Variants in TCF4 observed in about 807,000 individuals in gnomAD.
The protein encoded by TCF4 is SL3-3 enhancer factor 2.
Under a neutral mutation model 82.1 loss-of-function variants are expected in TCF4, and 3 were observed. That is an observed-to-expected ratio of 0.04 (90% confidence interval 0.02 to 0.09). TCF4 has a LOEUF of 0.09. Among genes scored for constraint, TCF4 ranks in the 10% least tolerant of loss-of-function variants. The pLI is 1.00. For missense variants in TCF4, 518 were observed against 852.7 expected (o/e 0.61, Z 4.89); for synonymous variants, 276 against 309.6 (o/e 0.89, Z 1.14).
At chr18:55,606,293 G>A (rs978942454) in intron 2 of TCF4, among the ~76,000 whole-genome samples, 1 of 152,164 alleles carries the variant, frequency 6.6e-6, no homozygotes, top group African/African-American at 2.4e-5. Flanking sequence ...AAGTTACGGG[G>A]AACATCTTTA....
At chr18:55,416,098 A>T (rs971733543) in intron 5 of TCF4, among the ~76,000 whole-genome samples, 2 of 152,206 alleles carry the variant, frequency 1.3e-5, no homozygotes, top group African/African-American at 4.8e-5. Context: ...ACAGTAGGTT[A>T]TACCAGAAGA....
chr18:55,463,746 G>C (rs2095927215), intron 4 of TCF4, among the ~76,000 whole-genome samples: 1 of 152,050 alleles, frequency 6.6e-6, no homozygotes, highest in Non-Finnish European at 1.5e-5. Flanking sequence ...ATGTAATATG[G>C]ATCAATAACT....
intron 3 of TCF4, among the ~76,000 whole-genome samples, chr18:55,522,658 A>G (rs2096942349): frequency 6.6e-6 from 1 of 152,150 alleles, no homozygotes; most frequent in Non-Finnish European, 1.5e-5. Context: ...GTTCTCTTAC[A>G]ATAATACATG....
rs3138626 is a variant in TCF4, at chr18:55,494,157, G to GACACACACACAC, written c.146-30032_146-30021dup. Reference sequence around the variant, plus strand: ...ACAGCAATGTGATTGAAATATTATGGACACACACACACACACACACACACA... The same window carrying GACACACACACAC: ...ACAGCAATGTGATTGAAATATTATGGACACACACACACACACACACACACACACACACACACA... On this transcript the variant is annotated intron_variant, in intron 3 of 19. Transcript: ENST00000354452. Among the ~76,000 whole-genome samples the GACACACACACAC allele has an allele frequency of 9.2e-3, 1,352 of 147,716 alleles. 19 individuals carry two copies. Among genetic ancestry groups the GACACACACACAC allele is most frequent in the African/African-American group, 0.031 (1,261 of 40,246 alleles).
chr18:55,531,880 A>G (rs1169624651), intron 3 of TCF4, among the ~76,000 whole-genome samples: 1 of 152,232 alleles, frequency 6.6e-6, no homozygotes, highest in Non-Finnish European at 1.5e-5. Context: ...AATCAATACT[A>G]TACTCAAACA....
intron 6 of TCF4, among the ~76,000 whole-genome samples, chr18:55,355,127 G>T (rs2083179129): frequency 6.6e-6 from 1 of 152,090 alleles, no homozygotes; most frequent in South Asian, 2.1e-4. Context: ...GCTTTGTATG[G>T]TGAACTGACT....
chr18:55,484,687 T>A (rs2096490529), intron 3 of TCF4, among the ~76,000 whole-genome samples: 2 of 152,242 alleles, frequency 1.3e-5, no homozygotes. Context: ...AGCATATGAC[T>A]GTACCCCATG....
intron 15 of TCF4, among the ~76,000 whole-genome samples, chr18:55,241,078 C>T (rs531597245): frequency 3.0e-4 from 45 of 152,190 alleles, no homozygotes; most frequent in Non-Finnish European, 5.0e-4. Flanking sequence ...CTGACCTTGG[C>T]AGTGCTTGTC....
At chr18:55,425,630 T>A (rs1603459380) in intron 5 of TCF4, among the ~76,000 whole-genome samples, 1 of 152,280 alleles carries the variant, frequency 6.6e-6, no homozygotes, top group Non-Finnish European at 1.5e-5. Flanking sequence ...CACATTTGCA[T>A]TAATAAATTT....
chr18:55,577,182 A>AT lies in TCF4; in HGVS notation c.145+8097_145+8098insA, dbSNP rs1491185710. Among the ~76,000 whole-genome samples, 10 of 110,364 alleles carry AT rather than the reference A, an allele frequency of 9.1e-5. 1 individual carries two copies. Among genetic ancestry groups the AT allele is most frequent in the East Asian group, 2.5e-4 (1 of 4,052 alleles). 72.4% of individuals were successfully genotyped at this position (110,364 alleles called of 152,430 possible). On this transcript the variant is annotated intron_variant, in intron 3 of 19. Transcript: ENST00000354452. Reference sequence around the variant, plus strand: ...TGTATATATACATTTATATATTTATAAATGTATATATACATTTATATATTT... The same window carrying AT: ...TGTATATATACATTTATATATTTATATAATGTATATATACATTTATATATTT...
At chr18:55,326,219 G>C (rs1393706112) in intron 8 of TCF4, among the ~76,000 whole-genome samples, 1 of 152,016 alleles carries the variant, frequency 6.6e-6, no homozygotes, top group East Asian at 1.9e-4. Flanking sequence ...GTGTGACTCT[G>C]GCCAAGCTGT....
intron 2 of TCF4, among the ~76,000 whole-genome samples, chr18:55,622,503 TAAA>T (rs765415861): frequency 1.8e-5 from 2 of 110,556 alleles, no homozygotes; most frequent in Non-Finnish European, 1.9e-5. Flanking sequence ...GACTCAATCT[TAAA>T]AAAAAAAAAA....
At chr18:55,431,939 T>G (rs1251511908) in intron 5 of TCF4, among the ~76,000 whole-genome samples, 1 of 152,150 alleles carries the variant, frequency 6.6e-6, no homozygotes, top group Non-Finnish European at 1.5e-5. Context: ...TGCACGGATA[T>G]CTCTGAAAGT....
intron 8 of TCF4, among the ~76,000 whole-genome samples, chr18:55,331,755 T>G (rs1420554387): frequency 6.6e-6 from 1 of 152,258 alleles, no homozygotes; most frequent in Non-Finnish European, 1.5e-5. Flanking sequence ...CCAAATGTTC[T>G]AATTATTATT....
At chr18:55,498,703 C>T (rs1442940923) in intron 3 of TCF4, among the ~76,000 whole-genome samples, 1 of 152,140 alleles carries the variant, frequency 6.6e-6, no homozygotes, top group African/African-American at 2.4e-5. Context: ...TCAGGGGCTC[C>T]GTCTACTTCC....
intron 3 of TCF4, among the ~76,000 whole-genome samples, chr18:55,583,528 C>A (rs929220721): frequency 7.9e-5 from 12 of 152,088 alleles, no homozygotes; most frequent in Non-Finnish European, 1.5e-5. Flanking sequence ...ATCAGACATA[C>A]AGTTGTCTTT....
rs1242325337 is a variant in TCF4, at chr18:55,586,120, G to A, written c.73-768C>T. 2.8e-6 allele frequency: 4 copies of A among 1,427,924 alleles called. No individual in the cohort carries two copies. In the African/African-American group the frequency reaches 5.6e-5, roughly 20 times the overall value. 88.5% of individuals were successfully genotyped at this position (1,427,924 alleles called of 1,614,324 possible). On this transcript the variant is annotated intron_variant, in intron 2 of 19. Coordinates refer to ENST00000354452, the MANE Select transcript of TCF4 (RefSeq NM_001083962.2). ...TTCTCCAAAAGAAGGTCTAGAAGAGGAGGAGGAGGAGGAGAAGGAGGAGGA... is the reference window on the plus strand; with the variant it reads ...TTCTCCAAAAGAAGGTCTAGAAGAGAAGGAGGAGGAGGAGAAGGAGGAGGA...
At chr18:55,530,734 T>A (rs1404816721) in intron 3 of TCF4, among the ~76,000 whole-genome samples, 3 of 152,160 alleles carry the variant, frequency 2.0e-5, no homozygotes, top group Admixed American at 2.0e-4. Flanking sequence ...TATATTCACA[T>A]GAAAAACAGT....
intron 5 of TCF4, among the ~76,000 whole-genome samples, chr18:55,446,584 TG>T (rs1451959042): frequency 6.6e-6 from 1 of 152,164 alleles, no homozygotes; most frequent in Non-Finnish European, 1.5e-5. Flanking sequence ...TTGCCTCCTT[TG>T]TAAAATGGTA....
Sources: allele counts gnomAD v4.1 joint callset (sites outside exome capture counted in the v4.1 genomes callset), GRCh38; gene constraint gnomAD v4.1.1; transcripts MANE v1.5; gene names NCBI Gene and HGNC (gene_info 2026-07-23, HGNC 2026-07-21).